WWP1: variants seen among roughly 807,000 people sequenced by gnomAD.
WWP1 encodes WW domain containing E3 ubiquitin protein ligase 1.
A neutral mutation model predicts 130.6 loss-of-function variants in WWP1; 49 were observed. The observed-to-expected ratio is 0.38, with a 90% CI of 0.30 to 0.48. The LOEUF (loss-of-function observed/expected upper bound fraction) is 0.48. WWP1 is among the 20% of genes least tolerant of loss of function. The pLI is 0.99. For missense variants in WWP1, 809 were observed against 1,100.6 expected (o/e 0.74, Z 3.75); for synonymous variants, 332 against 367.8 (o/e 0.90, Z 1.11).
At chr8:86,377,824 T>G (rs1229526954) in intron 3 of WWP1, among the ~76,000 whole-genome samples, 1 of 152,186 alleles carries the variant, frequency 6.6e-6, no homozygotes. Context: ...GTATTCATGT[T>G]TATAATTTTT....
At chr8:86,352,192 G>T (rs1342908300) in intron 1 of WWP1, among the ~76,000 whole-genome samples, 3 of 151,032 alleles carry the variant, frequency 2.0e-5, no homozygotes, top group Non-Finnish European at 4.4e-5. Context: ...GTACAGGTGT[G>T]TGCCGCGACA....
At chr8:86,343,289 A>G (rs1822340438) in intron 1 of WWP1, 1 of 153,578 alleles carries the variant, frequency 6.5e-6, no homozygotes, top group East Asian at 1.9e-4. Flanking sequence ...GAAAACACAA[A>G]TACATGGACT....
At chr8:86,358,572 C>A (rs1823387801) in intron 1 of WWP1, among the ~76,000 whole-genome samples, 1 of 151,604 alleles carries the variant, frequency 6.6e-6, no homozygotes, top group African/African-American at 2.4e-5. Context: ...GCCTCAAGTT[C>A]CCCAGGCTCA....
Position 86,427,790 on chromosome 8 carries a change from A to G in WWP1, c.1305A>G (p.Gln435=), listed in dbSNP as rs764859449. ...SQRNQLQGAM[Q]QFNQRYLYSA... is the part of the protein sequence containing the mutation. ...GGAACCAATTGCAGGGAGCTATGCA[A>G]CAGTTTAACCAACGATACCTCTATT... is the stretch of plus-strand genomic sequence containing the variant. Residue 435 remains glutamine (Q), a synonymous_variant, in exon 11 of 25, where the codon CAA becomes CAG. Coordinates refer to ENST00000517970, the MANE Select transcript of WWP1 (RefSeq NM_007013.4). The G allele has an allele frequency of 6.2e-7, 1 of 1,612,674 alleles. No individual in the cohort carries two copies.
chr8:86,417,310 C>G (rs1808943039), intron 9 of WWP1: 1 of 151,998 alleles, frequency 6.6e-6, no homozygotes, highest in Non-Finnish European at 1.5e-5. Flanking sequence ...CTTGATTATA[C>G]CTTTGGTTCA....
At chr8:86,459,325 C>A (rs895929759) in intron 22 of WWP1, among the ~76,000 whole-genome samples, 7 of 152,088 alleles carry the variant, frequency 4.6e-5, no homozygotes, top group African/African-American at 1.7e-4. Flanking sequence ...TATGAGCCAC[C>A]ATGCCCGGCT....
chr8:86,423,468 C>T (rs1297149195), intron 9 of WWP1, among the ~76,000 whole-genome samples: 1 of 152,136 alleles, frequency 6.6e-6, no homozygotes, highest in Non-Finnish European at 1.5e-5. Context: ...TAACAAAGCA[C>T]ATCTTGCACT....
intron 17 of WWP1, among the ~76,000 whole-genome samples, chr8:86,439,305 T>G (rs1259392211): frequency 1.4e-5 from 2 of 147,308 alleles, no homozygotes; most frequent in Non-Finnish European, 3.0e-5. Context: ...ATCATGCCAC[T>G]GCACTCCAGC....
intron 24 of WWP1, among the ~76,000 whole-genome samples, chr8:86,464,537 A>G (rs992985850): frequency 6.6e-6 from 1 of 151,918 alleles, no homozygotes; most frequent in African/African-American, 2.4e-5. Context: ...TTTTCCCAAG[A>G]TAGAGTCTTG....
intron 5 of WWP1, among the ~76,000 whole-genome samples, chr8:86,385,087 C>T (rs1213055939): frequency 6.6e-6 from 1 of 151,818 alleles, no homozygotes. Flanking sequence ...AACATGACAT[C>T]CTAGTGTTGA....
rs767281746 is a variant in WWP1 at position 86,398,419 on chromosome 8, G to T, written c.412G>T (p.Val138Leu). Residue 138 changes from valine (V) to leucine (L), a missense_variant, in exon 6 of 25, where the codon GTG (valine) becomes TTG (leucine). Around this residue, in one of 3 missense-constraint regions of WWP1, gnomAD observed 262 missense variants for 346.0 expected, o/e 0.76. Transcript: ENST00000517970. ...AGCACAAACTGGTGAATTGACAGTT[G>T]TGCTTGATGGATTGGTGATTGAGCA... ...GIAQTGELTV[V>L]LDGLVIEQEN... 5.0e-6 allele frequency: 8 copies of T among 1,612,718 alleles called. No homozygotes were observed. Among genetic ancestry groups the T allele is most frequent in the Non-Finnish European group, 6.8e-6 (8 of 1,179,294 alleles).
chr8:86,428,401 G>A (rs772212633), intron 11 of WWP1, among the ~76,000 whole-genome samples: 10 of 152,166 alleles, frequency 6.6e-5, no homozygotes, highest in Non-Finnish European at 1.5e-4. Flanking sequence ...AAACTCCTCT[G>A]ATAAATGGTG....
At chr8:86,389,628 AC>A (rs2130422644) in intron 5 of WWP1, among the ~76,000 whole-genome samples, 1 of 152,014 alleles carries the variant, frequency 6.6e-6, no homozygotes, top group South Asian at 2.1e-4. Context: ...ATTCGACAAA[AC>A]CCCCATCATC....
At position 86,408,392 on chromosome 8, in the gene WWP1, T is replaced by G. The variant is rs138007729; in HGVS notation, c.725-3146T>G. On this transcript the variant is annotated intron_variant, in intron 8 of 24. Coordinates refer to ENST00000517970, the MANE Select transcript of WWP1 (RefSeq NM_007013.4). ...GAGGAGTGAGACTGGTGGGTTGTAT[T>G]TTTAAAGTATGTTTACTTTTGTAAC... Among the ~76,000 whole-genome samples, 1,037 of 152,332 alleles carry G rather than the reference T, an allele frequency of 6.8e-3. 5 individuals are homozygous for G. The highest frequency in any genetic ancestry group is 0.011 in the Non-Finnish European group (722 of 68,020).
At chr8:86,418,671 ACTT>A (rs1023885088) in intron 9 of WWP1, among the ~76,000 whole-genome samples, 1 of 152,198 alleles carries the variant, frequency 6.6e-6, no homozygotes, top group Non-Finnish European at 1.5e-5. Context: ...TGCAGCCAGA[ACTT>A]CTGCTCTGCC....
intron 1 of WWP1, among the ~76,000 whole-genome samples, chr8:86,349,848 G>A (rs979923837): frequency 1.9e-4 from 29 of 151,812 alleles, no homozygotes; most frequent in African/African-American, 6.5e-4. Context: ...TCGTGAATTG[G>A]AACAGACAGC....
rs965084564 is a variant in WWP1, at chr8:86,468,343, CGAAA to C, written c.*1456_*1459del. The C allele has an allele frequency of 4.5e-6, 2 of 447,376 alleles. No individual in the cohort carries two copies. Among genetic ancestry groups the C allele is most frequent in the African/African-American group, 4.0e-5 (2 of 49,532 alleles). 27.7% of individuals were successfully genotyped at this position (447,376 alleles called of 1,614,324 possible). A position where few individuals can be genotyped will look rare whatever the true frequency, so the allele number is the denominator to read the frequency against. Reference sequence around the variant, plus strand: ...TTTTATTCAGAATTCATAGTAAAGACGAAAGAAAGGCAGAGATCTGCTTGGTTGA... The same window carrying C: ...TTTTATTCAGAATTCATAGTAAAGACGAAAGGCAGAGATCTGCTTGGTTGA... On this transcript the variant is annotated 3_prime_UTR_variant, in exon 25 of 25. Coordinates refer to ENST00000517970, the MANE Select transcript of WWP1 (RefSeq NM_007013.4).
intron 21 of WWP1, 101 bp from the exon 22 acceptor site, chr8:86,457,820 C>A: frequency 2.0e-6 from 2 of 1,018,600 alleles, no homozygotes; most frequent in Non-Finnish European, 2.9e-6. Flanking sequence ...TAGCTTTTCA[C>A]ATAATTTGCC....
chr8:86,344,242 T>G (rs2130039182), intron 1 of WWP1, among the ~76,000 whole-genome samples: 1 of 152,352 alleles, frequency 6.6e-6, no homozygotes, highest in South Asian at 2.1e-4. Flanking sequence ...CTTTGGGACA[T>G]AGCTTATCAA....
Sources: allele counts gnomAD v4.1 joint callset (sites outside exome capture counted in the v4.1 genomes callset), GRCh38; gene constraint gnomAD v4.1.1; regional missense constraint gnomAD v4.1.1; transcripts MANE v1.5; gene names NCBI Gene and HGNC (gene_info 2026-07-23, HGNC 2026-07-21).